The following PLG variants were observed in gnomAD, a reference collection of about 807,000 sequenced individuals.
PLG encodes the protein plasminogen, also known as plasmin.
In PLG, 41 loss-of-function variants were observed where a neutral mutation model predicts 104.4. The observed-to-expected ratio is 0.39, with a 90% CI of 0.31 to 0.51. The LOEUF (loss-of-function observed/expected upper bound fraction) is 0.51. Ranked by LOEUF, PLG falls within the 20% of genes least tolerant of loss-of-function variation. The pLI is 0.76. For synonymous variants in PLG, 337 were observed against 357.1 expected (o/e 0.94, Z 0.63); for missense variants, 891 against 1,003.6 (o/e 0.89, Z 1.52).
At chr6:160,714,195 A>G (rs1777693380) in intron 5 of PLG, among the ~76,000 whole-genome samples, 1 of 152,192 alleles carries the variant, frequency 6.6e-6, no homozygotes, top group Non-Finnish European at 1.5e-5. Flanking sequence ...ATCAAAGTTT[A>G]AGTTTGTGAA....
Position 160,718,323 on chromosome 6 carries a change from T to C in PLG, c.817T>C (p.Tyr273His). ...TTPPPSSGPT[Y>H]QCLKGTGENY... ...ACCTCCACCATCTTCTGGTCCCACCTACCAGTGTCTGAAGGGAACAGGTGA... is the reference window on the plus strand; with the variant it reads ...ACCTCCACCATCTTCTGGTCCCACCCACCAGTGTCTGAAGGGAACAGGTGA... The change falls in exon 8 of 19, where the codon TAC (tyrosine) becomes CAC (histidine). Residue 273 changes from tyrosine to histidine, a missense_variant. Tyr to His is a moderately conservative substitution (Grantham distance 83, BLOSUM62 2). Transcript: ENST00000308192. 1.9e-6 allele frequency: 3 copies of C among 1,613,964 alleles called. No homozygotes were observed. Among genetic ancestry groups the C allele is most frequent in the Non-Finnish European group, 2.5e-6 (3 of 1,179,782 alleles).
Position 160,741,359 on chromosome 6 carries a change from A to G in PLG, c.2067A>G (p.Pro689=). The G allele has an allele frequency of 6.2e-7, 1 of 1,613,668 alleles. No individual in the cohort carries two copies. Among genetic ancestry groups the G allele is most frequent in the South Asian group, 1.1e-5 (1 of 91,076 alleles). The change falls in exon 17 of 19, where the codon CCA becomes CCG. Residue 689 remains proline (P), a synonymous_variant. Transcript: ENST00000308192. This position sits in a 1 kb window ranked among gnomAD's most constrained non-coding sequence, Gnocchi z 4.7. The part of the protein sequence containing the change: ...DKVIPACLPS[P]NYVVADRTEC... ...TAATCCCAGCTTGTCTGCCATCCCC[A>G]AATTATGTGGTCGCTGACCGGACCG...
chr6:160,752,900 G>A lies in PLG; in HGVS notation c.2272G>A (p.Gly758Ser). 6.2e-7 allele frequency: 1 copy of A among 1,613,572 alleles called. No individual in the cohort carries two copies. The highest frequency in any genetic ancestry group is 8.5e-7 in the Non-Finnish European group (1 of 1,179,626). Residue 758 changes from glycine to serine, a missense_variant and splice_region_variant, in exon 19 of 19, where the codon GGT (glycine) becomes AGT (serine). Gly to Ser is a moderately conservative substitution (Grantham distance 56). This residue lies in a region of PLG where 37 missense variants were observed against 71.5 expected (regional missense o/e 0.52). Coordinates refer to ENST00000308192, the MANE Select transcript of PLG (RefSeq NM_000301.5). This position sits in a 1 kb window ranked among gnomAD's most constrained non-coding sequence, Gnocchi z 4.7. ...TGCATTTTTCTCTCCCTCTGTATAG[G>A]GTGACAGTGGAGGTCCTCTGGTTTG... is the stretch of plus-strand genomic sequence containing the variant. ...HLAGGTDSCQ[G>S]DSGGPLVCFE... is the part of the protein sequence containing the mutation.
chr6:160,704,828 T>C (rs1307281117), intron 1 of PLG, among the ~76,000 whole-genome samples: 1 of 152,212 alleles, frequency 6.6e-6, no homozygotes, highest in Non-Finnish European at 1.5e-5. Flanking sequence ...CTCCCTGTCC[T>C]GCCCCTTGTG....
At chr6:160,748,354 A>AAGAAAGAAAGAAAGAAAGAAAGAGAGAG (rs1562383254) in intron 17 of PLG, among the ~76,000 whole-genome samples, 1 of 31,416 alleles carries the variant, frequency 3.2e-5, no homozygotes, top group Non-Finnish European at 6.2e-5. Context: ...AAGAAAGAGA[A>AAGAAAGAAAGAAAGAAAGAAAGAGAGAG]AGAAAGAAAG....
chr6:160,752,167 T>A lies in PLG; in HGVS notation c.2178T>A (p.Asn726Lys), dbSNP rs1397098781. 6.2e-7 allele frequency: 1 copy of A among 1,611,016 alleles called. No homozygotes were observed. The highest frequency in any genetic ancestry group is 1.3e-5 in the African/African-American group (1 of 74,866). The change falls in exon 18 of 19, where the codon AAT becomes AAA. Residue 726 changes from asparagine to lysine, a missense_variant. Coordinates refer to ENST00000308192, the MANE Select transcript of PLG (RefSeq NM_000301.5). The surrounding 1 kb of genome is among the most constrained non-coding windows in gnomAD (Gnocchi z 4.7). ...LKEAQLPVIE[N>K]KVCNRYEFLN... is the part of the protein sequence containing the mutation. ...AAGCCCAGCTCCCTGTGATTGAGAA[T>A]AAAGTGTGCAATCGCTATGAGTTTC...
chr6:160,721,180 A>G (rs1321715775), intron 9 of PLG, among the ~76,000 whole-genome samples: 1 of 152,112 alleles, frequency 6.6e-6, no homozygotes, highest in African/African-American at 2.4e-5. Context: ...TCCCAATCTG[A>G]TAGTTTCCAG....
intron 2 of PLG, 87 bp from the exon 3 acceptor site, chr6:160,707,613 A>C: frequency 7.4e-7 from 1 of 1,342,286 alleles, no homozygotes; most frequent in Non-Finnish European, 1.1e-6. Flanking sequence ...ATATTCAATG[A>C]TCTTTAGCAT....
intron 17 of PLG, among the ~76,000 whole-genome samples, chr6:160,747,621 G>GTTT (rs10625439): frequency 6.6e-6 from 1 of 151,832 alleles, no homozygotes; most frequent in African/African-American, 2.4e-5. Context: ...TTGAAGAAAG[G>GTTT]TTTGTTTTTG....
chr6:160,747,251 G>A (rs1474304303), intron 17 of PLG, among the ~76,000 whole-genome samples: 2 of 152,230 alleles, frequency 1.3e-5, no homozygotes, highest in Non-Finnish European at 2.9e-5. Flanking sequence ...TGGTTGATGG[G>A]TGTGGATGAG....
rs573297270 is a variant in PLG at position 160,734,144 on chromosome 6, A to G, written c.1681+56A>G. ...GCTTACTTAATATGGATTTGCAACA[A>G]AAAAGGAAAAGGGCTTCTGAGCAGA... On this transcript the variant is annotated intron_variant, in intron 13 of 18. Coordinates refer to ENST00000308192, the MANE Select transcript of PLG (RefSeq NM_000301.5). This position sits in a 1 kb window ranked among gnomAD's most constrained non-coding sequence, Gnocchi z 4.4. 21 of 1,023,188 alleles carry G rather than the reference A, an allele frequency of 2.1e-5. No homozygotes were observed. The highest frequency in any genetic ancestry group is 2.0e-4 in the South Asian group (16 of 78,852). The allele number at this position is 1,023,188 out of a possible 1,614,324, so 63.4% of individuals were successfully genotyped here.
At position 160,722,464 on chromosome 6, in the gene PLG, T is replaced by C; in HGVS notation, c.1153T>C (p.Tyr385His). 1 of 1,612,886 alleles carries C rather than the reference T, an allele frequency of 6.2e-7. No homozygotes were observed. The highest frequency in any genetic ancestry group is 8.5e-7 in the Non-Finnish European group (1 of 1,178,878). ...CTGCTACCATGGTGATGGACAGAGCTACCGAGGCACATCCTCCACCACCAC... is the reference window on the plus strand; with the variant it reads ...CTGCTACCATGGTGATGGACAGAGCCACCGAGGCACATCCTCCACCACCAC... ...QDCYHGDGQS[Y>H]RGTSSTTTTG... is the part of the protein sequence containing the mutation. Residue 385 changes from tyrosine to histidine, a missense_variant, in exon 10 of 19, where the codon TAC becomes CAC. Coordinates refer to ENST00000308192, the MANE Select transcript of PLG (RefSeq NM_000301.5).
chr6:160,738,632 G>A lies in PLG; in HGVS notation c.1877+20G>A. 6.8e-7 allele frequency: 1 copy of A among 1,476,640 alleles called. No homozygotes were observed. Among genetic ancestry groups the A allele is most frequent in the Non-Finnish European group, 9.5e-7 (1 of 1,054,406 alleles). 91.5% of individuals were successfully genotyped at this position (1,476,640 alleles called of 1,614,324 possible). ...GGAGAAGTATGTTTAGGGGACAATT[G>A]ACATGAAGTCTTGTCTTAAATACTT... On this transcript the variant is annotated intron_variant, in intron 15 of 18. Coordinates refer to ENST00000308192, the MANE Select transcript of PLG (RefSeq NM_000301.5). This position sits in a 1 kb window ranked among gnomAD's most constrained non-coding sequence, Gnocchi z 6.8.
chr6:160,744,015 G>A lies in PLG; in HGVS notation c.2125+2598G>A, dbSNP rs1407879672. On this transcript the variant is annotated intron_variant, in intron 17 of 18. Coordinates refer to ENST00000308192, the MANE Select transcript of PLG (RefSeq NM_000301.5). This position sits in a 1 kb window ranked among gnomAD's most constrained non-coding sequence, Gnocchi z 4.5. ...TACATTCTGGGGATAAAGCCTACTT[G>A]ATCACGATGGATTGGCTTTTTTATG... Among the ~76,000 whole-genome samples, 1 of 152,182 alleles carries A rather than the reference G, an allele frequency of 6.6e-6. No individual in the cohort carries two copies. Among genetic ancestry groups the A allele is most frequent in the Non-Finnish European group, 1.5e-5 (1 of 68,034 alleles).
intron 10 of PLG, among the ~76,000 whole-genome samples, chr6:160,729,017 G>T (rs1777959268): frequency 1.3e-5 from 2 of 152,124 alleles, no homozygotes. Flanking sequence ...CTGACAAATG[G>T]TTTGTATCTA....
chr6:160,731,143 A>G lies in PLG; in HGVS notation c.1349A>G (p.Asn450Ser). ...CCCAGCGTCAGGTGGGAGTACTGCA[A>G]CCTGAAAAAATGCTCAGGAACAGAA... ...TDPSVRWEYC[N>S]LKKCSGTEAS... Residue 450 changes from asparagine (N) to serine (S), a missense_variant, in exon 11 of 19, where the codon AAC (asparagine) becomes AGC (serine). Coordinates refer to ENST00000308192, the MANE Select transcript of PLG (RefSeq NM_000301.5). The surrounding 1 kb of genome is among the most constrained non-coding windows in gnomAD (Gnocchi z 5.1). 1 of 1,614,032 alleles carries G rather than the reference A, an allele frequency of 6.2e-7. No homozygotes were observed. Among genetic ancestry groups the G allele is most frequent in the Non-Finnish European group, 8.5e-7 (1 of 1,179,964 alleles).
chr6:160,705,865 C>T (rs4063610), intron 1 of PLG: 2 of 155,538 alleles, frequency 1.3e-5, no homozygotes, highest in South Asian at 2.0e-4. Context: ...ATGGCACAAT[C>T]AATAGCAAAC....
At chr6:160,722,629 C>CCATGCTT (rs1186918483) in intron 10 of PLG, 62 bp downstream of exon 10, 1 of 1,485,388 alleles carries the variant, frequency 6.7e-7, no homozygotes, top group Non-Finnish European at 9.4e-7. Context: ...GTTAAAAGAG[C>CCATGCTT]CATGCTTCAT....
At chr6:160,711,629 A>G (rs1777643948) in intron 4 of PLG, 4 of 1,610,676 alleles carry the variant, frequency 2.5e-6, no homozygotes, top group Non-Finnish European at 3.4e-6. Flanking sequence ...TTTTGGCACC[A>G]TAGTAGAACA....
Sources: gnomAD v4.1 joint callset for allele counts (sites outside exome capture counted in the v4.1 genomes callset) on GRCh38, gnomAD v4.1.1 for gene constraint, gnomAD v4.1.1 regional missense constraint, Gnocchi (gnomAD v3.1) non-coding constraint, MANE v1.5 for transcripts, NCBI Gene and HGNC (gene_info 2026-07-23, HGNC 2026-07-21) for gene names.